Variants in CDH13 observed in about 807,000 individuals in gnomAD.
CDH13 encodes the protein cadherin 13, also known as cadherin-13.
In CDH13, 24 loss-of-function variants were observed where a neutral mutation model predicts 63.8. The ratio of observed to expected loss-of-function variants is 0.38; its 90% CI spans 0.27 to 0.53. The LOEUF is 0.53. Ranked by LOEUF, CDH13 falls within the 20% of genes least tolerant of loss-of-function variation. CDH13 has a pLI of 0.85. For synonymous variants in CDH13, 503 were observed against 355.3 expected (o/e 1.42, Z -4.67); for missense variants, 1,049 against 903.1 (o/e 1.16, Z -2.07).
intron 3 of CDH13, among the ~76,000 whole-genome samples, chr16:83,043,978 C>T (rs1917558946): frequency 2.0e-5 from 3 of 152,082 alleles, no homozygotes; most frequent in Admixed American, 6.5e-5. Flanking sequence ...ACTTAATAAG[C>T]ACAAGCAGTG....
rs113599348 is a variant in CDH13 at position 82,967,418 on chromosome 16, C to G, written c.158-64592C>G. ...GTGTATGCTCCCTGGGGACTGAGCT[C>G]ATACCTGGTTCGTATTTGCGCCCGC... On this transcript the variant is annotated intron_variant, in intron 2 of 13. Transcript: ENST00000567109. 1.3e-4 allele frequency among the ~76,000 whole-genome samples: 20 copies of G among 152,314 alleles called. 3 individuals carry two copies. The highest frequency in any genetic ancestry group is 4.8e-4 in the African/African-American group (20 of 41,580).
rs200005534 is a variant in CDH13 at position 83,741,516 on chromosome 16, A to G, written c.1539-6592A>G. Reference sequence around the variant, plus strand: ...TATATATATATGTGTGTGTGTGTGTATATATATGTGTGTATATATATGCCA... The same window carrying G: ...TATATATATATGTGTGTGTGTGTGTGTATATATGTGTGTATATATATGCCA... On this transcript the variant is annotated intron_variant, in intron 10 of 13. Coordinates refer to ENST00000567109, the MANE Select transcript of CDH13 (RefSeq NM_001257.5). 4.3e-4 allele frequency among the ~76,000 whole-genome samples: 57 copies of G among 132,564 alleles called. No homozygotes were observed. The East Asian group carries it at 5.0e-3, about 12-fold the overall frequency. 87.0% of individuals were successfully genotyped at this position (132,564 alleles called of 152,430 possible). A position where few individuals can be genotyped will look rare whatever the true frequency, so the allele number is the denominator to read the frequency against.
chr16:82,762,405 C>T (rs1290408662), intron 1 of CDH13, among the ~76,000 whole-genome samples: 1 of 152,166 alleles, frequency 6.6e-6, no homozygotes, highest in African/African-American at 2.4e-5. Flanking sequence ...TCTCTTAATG[C>T]ACAAAGTTCT....
rs141590755 is a variant in CDH13 at position 82,983,881 on chromosome 16, G to A, written c.158-48129G>A. On this transcript the variant is annotated intron_variant, in intron 2 of 13. Transcript: ENST00000567109. ...GGACCTTTCAGCAGAGGGAAAAATG[G>A]GTAGAAGCTTCTAGGAAGCGGGAAT... Among the ~76,000 whole-genome samples the A allele has an allele frequency of 7.2e-5, 11 of 152,290 alleles. No homozygotes were observed. In the East Asian group the frequency reaches 2.1e-3, roughly 29 times the overall value.
intron 4 of CDH13, among the ~76,000 whole-genome samples, chr16:83,207,174 T>C (rs550869920): frequency 2.6e-5 from 4 of 152,308 alleles, no homozygotes; most frequent in African/African-American, 9.6e-5. Context: ...GCAACCATCA[T>C]CCCCATCCAT....
At chr16:83,154,073 C>T (rs2037103462) in intron 4 of CDH13, among the ~76,000 whole-genome samples, 1 of 152,140 alleles carries the variant, frequency 6.6e-6, no homozygotes, top group Non-Finnish European at 1.5e-5. Context: ...GACCATGTGA[C>T]TTGCTTCAGC....
At chr16:82,799,820 A>G (rs2036763168) in intron 1 of CDH13, among the ~76,000 whole-genome samples, 1 of 151,154 alleles carries the variant, frequency 6.6e-6, no homozygotes, top group African/African-American at 2.4e-5. Flanking sequence ...TAGATTTTTT[A>G]TTTCTAATGT....
At chr16:82,703,277 C>T (rs1170529924) in intron 1 of CDH13, among the ~76,000 whole-genome samples, 1 of 152,122 alleles carries the variant, frequency 6.6e-6, no homozygotes, top group East Asian at 1.9e-4. Flanking sequence ...CCCACAGCCT[C>T]TCAGTGCCCT....
At chr16:82,721,137 C>A (rs985845073) in intron 1 of CDH13, among the ~76,000 whole-genome samples, 2 of 152,198 alleles carry the variant, frequency 1.3e-5, no homozygotes, top group Non-Finnish European at 2.9e-5. Flanking sequence ...CTTGATTTAA[C>A]AAACATTCAT....
chr16:82,955,440 T>A (rs1389442874), intron 2 of CDH13, among the ~76,000 whole-genome samples: 5 of 152,234 alleles, frequency 3.3e-5, no homozygotes, highest in Non-Finnish European at 7.3e-5. Flanking sequence ...AGCTTCATAA[T>A]TATCCATTTA....
At chr16:82,807,123 T>G (rs2037186310) in intron 1 of CDH13, among the ~76,000 whole-genome samples, 1 of 151,894 alleles carries the variant, frequency 6.6e-6, no homozygotes, top group Non-Finnish European at 1.5e-5. Context: ...AAACTTAAAT[T>G]GCTTTTACTG....
chr16:82,789,947 A>G (rs6565065), intron 1 of CDH13, among the ~76,000 whole-genome samples: 92,180 of 151,898 alleles, frequency 0.61, 28,708 homozygotes, highest in Non-Finnish European at 0.67. Context: ...CAATCCTGAC[A>G]TCTTTCTCAG....
At chr16:83,260,182 A>G (rs16959965) in intron 5 of CDH13, among the ~76,000 whole-genome samples, 10,269 of 150,298 alleles carry the variant, frequency 0.068, 483 homozygotes, top group East Asian at 0.23. Context: ...TACTTAGTCT[A>G]TGTGGTGCTT....
chr16:83,361,902 T>C (rs1188297564), intron 6 of CDH13, among the ~76,000 whole-genome samples: 1 of 152,168 alleles, frequency 6.6e-6, no homozygotes, highest in African/African-American at 2.4e-5. Context: ...TTGCTTTGGC[T>C]ATTTGGGGTA....
At chr16:83,130,603 G>A (rs76177287) in intron 4 of CDH13, among the ~76,000 whole-genome samples, 1 of 152,274 alleles carries the variant, frequency 6.6e-6, no homozygotes, top group East Asian at 1.9e-4. Context: ...TGAACATATG[G>A]GTACTTGCTG....
intron 3 of CDH13, among the ~76,000 whole-genome samples, chr16:83,084,968 G>T (rs1320483684): frequency 2.6e-5 from 4 of 152,172 alleles, no homozygotes; most frequent in African/African-American, 7.2e-5. Context: ...GCTGGGTTTG[G>T]TTCAACTATT....
chr16:83,007,202 A>G (rs1005826305), intron 2 of CDH13, among the ~76,000 whole-genome samples: 9 of 152,170 alleles, frequency 5.9e-5, no homozygotes, highest in Admixed American at 2.0e-4. Flanking sequence ...GATTACAGGC[A>G]TGAGCCACCG....
intron 11 of CDH13, among the ~76,000 whole-genome samples, chr16:83,771,641 A>G (rs77553323): frequency 0.059 from 8,961 of 152,290 alleles, 360 homozygotes; most frequent in East Asian, 0.12. Context: ...AAGACTTGCC[A>G]TTGTATGGCA....
intron 3 of CDH13, among the ~76,000 whole-genome samples, chr16:83,037,541 T>G (rs11150533): frequency 0.19 from 28,636 of 152,050 alleles, 2,814 homozygotes; most frequent in East Asian, 0.27. Context: ...TGATTCCAGA[T>G]TGTCTAGCCT....
Sources: allele counts gnomAD v4.1 joint callset (sites outside exome capture counted in the v4.1 genomes callset), GRCh38; gene constraint gnomAD v4.1.1; transcripts MANE v1.5; gene names NCBI Gene and HGNC (gene_info 2026-07-23, HGNC 2026-07-21).